Variants in PLCE1 observed in about 807,000 individuals in gnomAD.
PLCE1 encodes phospholipase C epsilon 1.
Under a neutral mutation model 242.8 loss-of-function variants are expected in PLCE1, and 119 were observed. The ratio of observed to expected loss-of-function variants is 0.49; its 90% CI spans 0.42 to 0.57. PLCE1 has a LOEUF of 0.57. PLCE1 is among the 20% of genes least tolerant of loss of function. The pLI is 0.00. For synonymous variants in PLCE1, 945 were observed against 1,017.4 expected (o/e 0.93, Z 1.35); for missense variants, 2,441 against 2,788.8 (o/e 0.88, Z 2.81).
At chr10:94,128,931 CA>C (rs2046515227) in intron 2 of PLCE1, among the ~76,000 whole-genome samples, 1 of 152,170 alleles carries the variant, frequency 6.6e-6, no homozygotes, top group Non-Finnish European at 1.5e-5. Flanking sequence ...TCAGTGTTAC[CA>C]GATTGTTTCA....
chr10:94,149,334 A>G (rs561423853), intron 3 of PLCE1, among the ~76,000 whole-genome samples: 5 of 152,328 alleles, frequency 3.3e-5, no homozygotes, highest in Admixed American at 1.3e-4. Context: ...ATCTGAGCCA[A>G]TCAAGTTCAC....
chr10:94,249,514 A>G (rs569513616), intron 8 of PLCE1, among the ~76,000 whole-genome samples: 5 of 152,294 alleles, frequency 3.3e-5, no homozygotes, highest in South Asian at 2.1e-4. Context: ...TAACAGCTCT[A>G]TAAGAGGATT....
At chr10:94,130,172 C>T (rs145175517) in intron 2 of PLCE1, among the ~76,000 whole-genome samples, 196 of 152,276 alleles carry the variant, frequency 1.3e-3, no homozygotes, top group Non-Finnish European at 2.6e-3. Flanking sequence ...GATTTGGAGC[C>T]AAGAGAATAA....
chr10:94,228,607 A>T (rs1207724770), intron 5 of PLCE1, among the ~76,000 whole-genome samples: 1 of 152,206 alleles, frequency 6.6e-6, no homozygotes, highest in Non-Finnish European at 1.5e-5. Context: ...TCATAACATT[A>T]CTGAGATTTT....
In PLCE1 at chr10:94,030,585, C is replaced by A. The variant is rs1341695290; in HGVS notation, c.-364-98C>A. 2.0e-5 allele frequency among the ~76,000 whole-genome samples: 3 copies of A among 151,714 alleles called. No homozygotes were observed. The South Asian group carries it at 6.2e-4, about 32-fold the overall frequency. On this transcript the variant is annotated intron_variant, in intron 1 of 32. Transcript: ENST00000371380. ...CCAACTTCTGATTGCAAAAAAAAACCTTTTTTCTCAAAATTGTCTGTATCT... is the reference window on the plus strand; with the variant it reads ...CCAACTTCTGATTGCAAAAAAAAACATTTTTTCTCAAAATTGTCTGTATCT...
chr10:94,216,897 C>G (rs1046826381), intron 4 of PLCE1, among the ~76,000 whole-genome samples: 1 of 151,820 alleles, frequency 6.6e-6, no homozygotes. Flanking sequence ...CCCAGTAGAT[C>G]AGGGTGGCTG....
At chr10:94,165,336 C>T (rs1590165060) in intron 3 of PLCE1, among the ~76,000 whole-genome samples, 1 of 152,226 alleles carries the variant, frequency 6.6e-6, no homozygotes, top group African/African-American at 2.4e-5. Context: ...ATGGCGGGCG[C>T]CCCTCCCCCA....
chr10:94,304,746 A>G, intron 25 of PLCE1, 101 bp downstream of exon 25: 2 of 1,138,972 alleles, frequency 1.8e-6, no homozygotes, highest in Non-Finnish European at 2.6e-6. Flanking sequence ...TCATGTCACA[A>G]TTTGGGTCAT....
chr10:94,163,143 G>T (rs28786213), intron 3 of PLCE1, among the ~76,000 whole-genome samples: 51,981 of 152,088 alleles, frequency 0.34, 12,251 homozygotes, highest in African/African-American at 0.67. Context: ...TTGATTTGGG[G>T]TGGAGAGTTT....
In PLCE1 at chr10:94,255,088, A is replaced by G. The variant is rs772969185; in HGVS notation, c.3554+39A>G. On this transcript the variant is annotated intron_variant, in intron 11 of 32. Coordinates refer to ENST00000371380, the MANE Select transcript of PLCE1 (RefSeq NM_016341.4). ...ATGATAAAACAGAAGGACCCTTCAC[A>G]TTATTCCAGTTGTGTGGAAGGGCAT... 6 of 1,602,804 alleles carry G rather than the reference A, an allele frequency of 3.7e-6. No homozygotes were observed. The South Asian group carries it at 4.4e-5, about 12-fold the overall frequency.
At chr10:94,240,081 A>G (rs1470548781) in intron 7 of PLCE1, among the ~76,000 whole-genome samples, 2 of 151,950 alleles carry the variant, frequency 1.3e-5, no homozygotes, top group Non-Finnish European at 2.9e-5. Flanking sequence ...AACAGAGACC[A>G]TTTTCCCACT....
chr10:94,005,723 G>A (rs771079866), intron 1 of PLCE1, among the ~76,000 whole-genome samples: 14 of 152,258 alleles, frequency 9.2e-5, no homozygotes, highest in African/African-American at 2.9e-4. Context: ...GTTCTCCATC[G>A]TAGTGAGTAG....
intron 2 of PLCE1, among the ~76,000 whole-genome samples, chr10:94,101,643 G>A (rs921409436): frequency 6.6e-6 from 1 of 152,146 alleles, no homozygotes; most frequent in African/African-American, 2.4e-5. Flanking sequence ...GTAAATACAG[G>A]GCCAGTGGCT....
intron 2 of PLCE1, among the ~76,000 whole-genome samples, chr10:94,109,934 C>A (rs2045890921): frequency 6.6e-6 from 1 of 151,422 alleles, no homozygotes; most frequent in South Asian, 2.1e-4. Context: ...GTTTTTAGAC[C>A]AGTGCAGAGA....
chr10:94,275,198 T>C (rs80288605), intron 19 of PLCE1, among the ~76,000 whole-genome samples: 2,892 of 152,204 alleles, frequency 0.019, 28 homozygotes, highest in South Asian at 0.041. Flanking sequence ...TTTTCCTCCT[T>C]CTCATTGGCC....
At chr10:94,236,154 A>G in intron 7 of PLCE1, 34 bp downstream of exon 7, 8 of 1,566,940 alleles carry the variant, frequency 5.1e-6, no homozygotes, top group Non-Finnish European at 7.0e-6. Context: ...AGGAATGCTC[A>G]TCTCTTCTTT....
intron 3 of PLCE1, among the ~76,000 whole-genome samples, chr10:94,132,670 G>T (rs952223648): frequency 1.3e-5 from 2 of 151,488 alleles, no homozygotes; most frequent in Admixed American, 1.3e-4. Flanking sequence ...AGATTTTGAG[G>T]CCGGGTGCGG....
chr10:94,065,232 T>A (rs935209028), intron 2 of PLCE1, among the ~76,000 whole-genome samples: 1 of 152,206 alleles, frequency 6.6e-6, no homozygotes, highest in African/African-American at 2.4e-5. Context: ...ATTGTCTTTG[T>A]TTCAACTGTC....
intron 2 of PLCE1, among the ~76,000 whole-genome samples, chr10:94,070,134 A>G (rs1348632174): frequency 2.0e-5 from 3 of 152,214 alleles, no homozygotes; most frequent in Admixed American, 6.5e-5. Context: ...GTCAGCTGTC[A>G]CTATGAGGTA....
Sources: allele counts gnomAD v4.1 joint callset (sites outside exome capture counted in the v4.1 genomes callset), GRCh38; gene constraint gnomAD v4.1.1; transcripts MANE v1.5; gene names NCBI Gene and HGNC (gene_info 2026-07-23, HGNC 2026-07-21).